Variants in CLDN11 observed in about 807,000 individuals in gnomAD.
CLDN11 encodes claudin-11.
Under a neutral mutation model 18.0 loss-of-function variants are expected in CLDN11, and 1 was observed. The ratio of observed to expected loss-of-function variants is 0.06; its 90% CI spans 0.02 to 0.26. The LOEUF is 0.26. Ranked by LOEUF, CLDN11 falls within the 10% of genes least tolerant of loss-of-function variation. CLDN11 has a pLI of 1.00. For synonymous variants in CLDN11, 116 were observed against 121.5 expected (o/e 0.96, Z 0.30); for missense variants, 172 against 276.6 (o/e 0.62, Z 2.68).
At chr3:170,427,954 C>T (rs1233171159) in intron 2 of CLDN11, among the ~76,000 whole-genome samples, 2 of 151,920 alleles carry the variant, frequency 1.3e-5, no homozygotes, top group African/African-American at 2.4e-5. Context: ...CCCAGGAGTT[C>T]GAAACCAGCC....
intron 1 of CLDN11, among the ~76,000 whole-genome samples, chr3:170,422,496 A>T (rs1052822917): frequency 3.9e-5 from 6 of 152,122 alleles, no homozygotes; most frequent in African/African-American, 1.4e-4. Flanking sequence ...ATCTCAGCTC[A>T]CTGCAACCTC....
chr3:170,431,879 G>A (rs552023159), intron 2 of CLDN11, among the ~76,000 whole-genome samples: 12 of 152,252 alleles, frequency 7.9e-5, no homozygotes, highest in African/African-American at 2.9e-4. Context: ...ACCTTTATCT[G>A]GTACTCCGTT....
In CLDN11 at chr3:170,423,271, C is replaced by A. The variant is rs1194210987; in HGVS notation, c.335C>A (p.Pro112His). The A allele has an allele frequency of 6.2e-7, 1 of 1,614,152 alleles. No homozygotes were observed. The highest frequency in any genetic ancestry group is 1.7e-5 in the Admixed American group (1 of 60,018). The part of the protein sequence containing the change: ...VLPCIRMGQE[P>H]GVAKYRRAQL... Reference sequence around the variant, plus strand: ...CCCTGCATCCGGATGGGCCAGGAGCCCGGTGTGGCTAAGTACAGGCGGGCC... The same window carrying A: ...CCCTGCATCCGGATGGGCCAGGAGCACGGTGTGGCTAAGTACAGGCGGGCC... Residue 112 changes from proline to histidine, a missense_variant, in exon 2 of 3, where the codon CCC becomes CAC. This residue lies in a region of CLDN11 where 161 missense variants were observed against 240.3 expected (regional missense o/e 0.67). Transcript: ENST00000064724.
rs117981157 is a variant in CLDN11, at chr3:170,420,326, C to A, written c.226+1034C>A. Among the ~76,000 whole-genome samples the A allele has an allele frequency of 1.0e-3, 157 of 152,330 alleles. 2 individuals carry two copies. The East Asian group carries it at 0.028, about 27-fold the overall frequency. ...AGGTGGGCTTCTGTCCCCCAGCCTTCGTGGATTGTGCTCACTTAAAGGATT... is the reference window on the plus strand; with the variant it reads ...AGGTGGGCTTCTGTCCCCCAGCCTTAGTGGATTGTGCTCACTTAAAGGATT... On this transcript the variant is annotated intron_variant, in intron 1 of 2. Transcript: ENST00000064724.
In CLDN11 at chr3:170,432,862, C is replaced by A; in HGVS notation, c.*106C>A. 1 of 1,076,188 alleles carries A rather than the reference C, an allele frequency of 9.3e-7. No homozygotes were observed. Among genetic ancestry groups the A allele is most frequent in the Non-Finnish European group, 1.4e-6 (1 of 718,348 alleles). 66.7% of individuals were successfully genotyped at this position (1,076,188 alleles called of 1,614,324 possible). On this transcript the variant is annotated 3_prime_UTR_variant, in exon 3 of 3. Transcript: ENST00000064724. ...CCCATTCCTCTGCCAGGCTCTAAAG[C>A]CAAAGGTCTAGAAAAGCATCCTGTC...
At chr3:170,427,180 C>G (rs1738875814) in intron 2 of CLDN11, among the ~76,000 whole-genome samples, 1 of 152,286 alleles carries the variant, frequency 6.6e-6, no homozygotes, top group Non-Finnish European at 1.5e-5. Context: ...TTCCACTTCT[C>G]CATTTCTTCC....
At chr3:170,430,568 T>A (rs1738973511) in intron 2 of CLDN11, among the ~76,000 whole-genome samples, 1 of 151,868 alleles carries the variant, frequency 6.6e-6, no homozygotes, top group South Asian at 2.1e-4. Flanking sequence ...ACACAGAATC[T>A]TGCTTTGTTG....
At chr3:170,430,895 G>A (rs1738986690) in intron 2 of CLDN11, among the ~76,000 whole-genome samples, 1 of 152,096 alleles carries the variant, frequency 6.6e-6, no homozygotes, top group African/African-American at 2.4e-5. Context: ...GTGAATTTGG[G>A]CTGTTAGAAA....
intron 2 of CLDN11, among the ~76,000 whole-genome samples, chr3:170,426,042 G>A (rs1290208661): frequency 6.6e-6 from 1 of 152,106 alleles, no homozygotes; most frequent in Non-Finnish European, 1.5e-5. Flanking sequence ...AGAAGCCAGC[G>A]CTAGGCCTGT....
chr3:170,423,845 A>C (rs907546562), intron 2 of CLDN11: 7 of 155,662 alleles, frequency 4.5e-5, no homozygotes, highest in Admixed American at 1.9e-4. Context: ...AACATGGTGA[A>C]ACCCCATCTC....
intron 2 of CLDN11, among the ~76,000 whole-genome samples, chr3:170,429,761 A>G (rs1368746350): frequency 6.6e-6 from 1 of 152,214 alleles, no homozygotes; most frequent in Non-Finnish European, 1.5e-5. Flanking sequence ...ATGAATTTAG[A>G]GGCAGTTTCT....
intron 1 of CLDN11, chr3:170,421,245 T>C (rs924782635): frequency 1.0e-6 from 1 of 984,238 alleles, no homozygotes; most frequent in African/African-American, 1.7e-5. Context: ...TCCCTATCTT[T>C]TGGTGTCCGG....
intron 2 of CLDN11, among the ~76,000 whole-genome samples, chr3:170,427,041 G>A (rs978307921): frequency 6.6e-6 from 1 of 152,054 alleles, no homozygotes; most frequent in African/African-American, 2.4e-5. Flanking sequence ...GGCCAAGAAG[G>A]TCTTTAAGAA....
chr3:170,418,883 G>A lies in CLDN11; in HGVS notation c.-184G>A, dbSNP rs1042233428. 1 of 527,736 alleles carries A rather than the reference G, an allele frequency of 1.9e-6. No individual in the cohort carries two copies. Among genetic ancestry groups the A allele is most frequent in the Non-Finnish European group, 3.4e-6 (1 of 297,656 alleles). 32.7% of individuals were successfully genotyped at this position (527,736 alleles called of 1,614,324 possible). On this transcript the variant is annotated 5_prime_UTR_variant, in exon 1 of 3. Coordinates refer to ENST00000064724, the MANE Select transcript of CLDN11 (RefSeq NM_005602.6). The surrounding 1 kb of genome is among the most constrained non-coding windows in gnomAD (Gnocchi z 4.3). The stretch of plus-strand genomic sequence containing the variant: ...GCTGCCCAGCAGCGCTGCTGTCCCC[G>A]CCGTGCGCCCTTCGCCGCTGAGCTC...
At chr3:170,424,202 CTG>C (rs948294794) in intron 2 of CLDN11, among the ~76,000 whole-genome samples, 6 of 152,154 alleles carry the variant, frequency 3.9e-5, no homozygotes, top group African/African-American at 1.4e-4. Flanking sequence ...ACTGGGGACA[CTG>C]GGGAAAATAG....
Position 170,432,847 on chromosome 3 carries a change from T to A in CLDN11, c.*91T>A. ...CACAGTGTGGGGAAGCCCATTCCTC[T>A]GCCAGGCTCTAAAGCCAAAGGTCTA... is the stretch of plus-strand genomic sequence containing the variant. On this transcript the variant is annotated 3_prime_UTR_variant, in exon 3 of 3. Transcript: ENST00000064724. 1 of 1,259,474 alleles carries A rather than the reference T, an allele frequency of 7.9e-7. No homozygotes were observed. The allele number at this position is 1,259,474 out of a possible 1,614,324, so 78.0% of individuals were successfully genotyped here.
Position 170,422,800 on chromosome 3 carries a change from A to T in CLDN11, c.227-363A>T, listed in dbSNP as rs190565071. Among the ~76,000 whole-genome samples the T allele has an allele frequency of 2.6e-4, 40 of 152,360 alleles. 2 individuals are homozygous for T. In the East Asian group the frequency reaches 7.5e-3, roughly 29 times the overall value. On this transcript the variant is annotated intron_variant, in intron 1 of 2. Coordinates refer to ENST00000064724, the MANE Select transcript of CLDN11 (RefSeq NM_005602.6). Reference sequence around the variant, plus strand: ...CCAAGGTCACACAGGTAGAGCTATCAATAGCAGACTGGAACCAATAGAGGC... The same window carrying T: ...CCAAGGTCACACAGGTAGAGCTATCTATAGCAGACTGGAACCAATAGAGGC...
intron 2 of CLDN11, among the ~76,000 whole-genome samples, chr3:170,427,485 G>A (rs1274942740): frequency 6.6e-6 from 1 of 152,132 alleles, no homozygotes; most frequent in East Asian, 1.9e-4. Context: ...GCAGGGCATG[G>A]TGGCACACGC....
At chr3:170,427,599 C>T (rs1738888759) in intron 2 of CLDN11, among the ~76,000 whole-genome samples, 1 of 151,952 alleles carries the variant, frequency 6.6e-6, no homozygotes, top group East Asian at 1.9e-4. Flanking sequence ...CCAGCCTGGG[C>T]AACGAGAGCA....
Sources: gnomAD v4.1 joint callset for allele counts (sites outside exome capture counted in the v4.1 genomes callset) on GRCh38, gnomAD v4.1.1 for gene constraint, gnomAD v4.1.1 regional missense constraint, Gnocchi (gnomAD v3.1) non-coding constraint, MANE v1.5 for transcripts, NCBI Gene and HGNC (gene_info 2026-07-23, HGNC 2026-07-21) for gene names.